The following GRK1 variants were observed in gnomAD, a reference collection of about 807,000 sequenced individuals.
GRK1 encodes the protein G protein-coupled receptor kinase 1, also known as rhodopsin kinase GRK1.
GRK1 carries 28 observed loss-of-function variants against 41.7 expected under a neutral mutation model. The observed-to-expected ratio is 0.67, with a 90% CI of 0.50 to 0.92. GRK1 has a LOEUF of 0.92. Among genes scored for constraint, GRK1 ranks in the 40% least tolerant of loss-of-function variants. The pLI, the probability that GRK1 is intolerant of heterozygous loss-of-function variation, is 0.00. For missense variants in GRK1, 703 were observed against 671.2 expected (o/e 1.05, Z -0.52); for synonymous variants, 327 against 286.7 (o/e 1.14, Z -1.42).
At chr13:113,670,973 G>C (rs1031201007) in intron 2 of GRK1, among the ~76,000 whole-genome samples, 2 of 152,016 alleles carry the variant, frequency 1.3e-5, no homozygotes, top group Non-Finnish European at 1.5e-5. Flanking sequence ...TTCCTGTGAC[G>C]ATACTCCTGG....
intron 4 of GRK1, among the ~76,000 whole-genome samples, chr13:113,729,152 T>TA: frequency 6.6e-6 from 1 of 151,904 alleles, no homozygotes; most frequent in Non-Finnish European, 1.5e-5. Flanking sequence ...AAACTAGACA[T>TA]ATGTGAGCCT....
Position 113,735,320 on chromosome 13 carries a change from G to C in GRK1, c.1649G>C (p.Gly550Ala), listed in dbSNP as rs1468113387. Residue 550 changes from glycine (G) to alanine (A), a missense_variant, in exon 7 of 7, where the codon GGC (glycine) becomes GCC (alanine). Coordinates refer to ENST00000335678, the MANE Select transcript of GRK1 (RefSeq NM_002929.3). Reference protein sequence around the residue: ...MPDDMKGISGGSSSSSKSGMC... With the variant: ...MPDDMKGISGASSSSSKSGMC... ...GACGACATGAAGGGCATCTCCGGGG[G>C]CTCCAGCTCCTCGTCCAAGTCAGGG... is the stretch of plus-strand genomic sequence containing the variant. 1 of 1,527,564 alleles carries C rather than the reference G, an allele frequency of 6.5e-7. No homozygotes were observed. The highest frequency in any genetic ancestry group is 8.8e-7 in the Non-Finnish European group (1 of 1,140,438). The allele number at this position is 1,527,564 out of a possible 1,614,324, so 94.6% of individuals were successfully genotyped here.
At chr13:113,656,518 T>C in the GRK1 span, among the ~76,000 whole-genome samples, 1 of 152,104 alleles carries the variant, frequency 6.6e-6, no homozygotes. Flanking sequence ...GGGCCCCCGC[T>C]TGCACCACGG....
the GRK1 span, chr13:113,653,445 A>G: frequency 6.2e-7 from 1 of 1,608,452 alleles, no homozygotes; most frequent in Non-Finnish European, 8.5e-7. Flanking sequence ...CTGGAGAGAG[A>G]GACCTTTGTG....
the GRK1 span, chr13:113,657,996 C>G: frequency 8.5e-6 from 13 of 1,531,554 alleles, no homozygotes; most frequent in Non-Finnish European, 8.8e-6. Flanking sequence ...AGAGCGGCCC[C>G]CTCCATGCAC....
At chr13:113,726,510 G>C (rs1003143715) in intron 4 of GRK1, 1 of 165,526 alleles carries the variant, frequency 6.0e-6, no homozygotes, top group Non-Finnish European at 1.3e-5. Context: ...TTTGAGTTCA[G>C]GGGCGGGAGA....
chr13:113,735,649 A>C lies in GRK1; in HGVS notation c.*286A>C. On this transcript the variant is annotated 3_prime_UTR_variant, in exon 7 of 7. Coordinates refer to ENST00000335678, the MANE Select transcript of GRK1 (RefSeq NM_002929.3). ...TGCTCTCCAGAGGGAGTAAGCCAAA[A>C]ATCTACAAACTCTTAGGGAGCCTCC... is the stretch of plus-strand genomic sequence containing the variant. The C allele has an allele frequency of 1.5e-5, 5 of 329,032 alleles. No individual in the cohort carries two copies. Among genetic ancestry groups the C allele is most frequent in the Non-Finnish European group, 2.2e-5 (4 of 181,006 alleles). 20.4% of individuals were successfully genotyped at this position (329,032 alleles called of 1,614,324 possible). A position where few individuals can be genotyped will look rare whatever the true frequency, so the allele number is the denominator to read the frequency against.
chr13:113,734,312 G>T lies in GRK1; in HGVS notation c.1397-756G>T, dbSNP rs573790965. ...AGCGAGGCAAGGATGGCTGTGGTCA[G>T]GGAACCCAAGGGGGCTCCAAGGGGT... On this transcript the variant is annotated intron_variant, in intron 6 of 6. Coordinates refer to ENST00000335678, the MANE Select transcript of GRK1 (RefSeq NM_002929.3). 5.1e-4 allele frequency among the ~76,000 whole-genome samples: 77 copies of T among 152,320 alleles called. 1 individual carries two copies. The South Asian group carries it at 9.3e-3, about 18-fold the overall frequency.
intron 6 of GRK1, among the ~76,000 whole-genome samples, chr13:113,733,778 C>CGTATGTGCAT (rs1350612484): frequency 1.1e-5 from 1 of 89,450 alleles, no homozygotes; most frequent in African/African-American, 4.6e-5. Context: ...TGTGTGCATA[C>CGTATGTGCAT]GTGTGTGCAT....
At chr13:113,729,180 C>T (rs917657927) in intron 4 of GRK1, among the ~76,000 whole-genome samples, 9 of 152,144 alleles carry the variant, frequency 5.9e-5, no homozygotes, top group South Asian at 2.1e-4. Context: ...CTTCCAGGCA[C>T]GAACCTAGAG....
chr13:113,655,133 G>A, the GRK1 span, among the ~76,000 whole-genome samples: 3 of 151,964 alleles, frequency 2.0e-5, no homozygotes, highest in Admixed American at 6.6e-5. Context: ...CCGCACCACC[G>A]GCCACGTTCT....
At chr13:113,733,968 G>GTGTGCATA (rs879935844) in intron 6 of GRK1, among the ~76,000 whole-genome samples, 81 of 125,050 alleles carry the variant, frequency 6.5e-4, no homozygotes, top group African/African-American at 1.5e-3. Context: ...ACGTGTGTGT[G>GTGTGCATA]CGTGTGTGCG....
chr13:113,657,904 C>T, the GRK1 span: 3 of 766,228 alleles, frequency 3.9e-6, no homozygotes, highest in Admixed American at 2.8e-5. Flanking sequence ...AGCCCGTCCA[C>T]GCCATCCAGG....
chr13:113,730,712 C>T (rs1477096669), intron 4 of GRK1, among the ~76,000 whole-genome samples: 4 of 152,230 alleles, frequency 2.6e-5, no homozygotes, highest in African/African-American at 7.2e-5. Context: ...CCTGGGTCAC[C>T]GGACAACTGG....
chr13:113,733,530 C>CGT (rs1454177325), intron 6 of GRK1, among the ~76,000 whole-genome samples: 6 of 113,088 alleles, frequency 5.3e-5, no homozygotes, highest in Non-Finnish European at 1.1e-4. Flanking sequence ...CATGTGTGCG[C>CGT]GTGTGTGCAT....
At chr13:113,658,343 G>A in the GRK1 span, among the ~76,000 whole-genome samples, 37 of 152,368 alleles carry the variant, frequency 2.4e-4, no homozygotes, top group South Asian at 2.9e-3. Flanking sequence ...GGTGCAGCCC[G>A]GCTGTTGCCC....
rs1594578973 is a variant in GRK1, at chr13:113,731,073, C to T, written c.1070-146C>T. The T allele has an allele frequency of 1.3e-5, 16 of 1,221,376 alleles. No individual in the cohort carries two copies. The East Asian group carries it at 3.9e-4, about 30-fold the overall frequency. The allele number at this position is 1,221,376 out of a possible 1,614,324, so 75.7% of individuals were successfully genotyped here. A position where few individuals can be genotyped will look rare whatever the true frequency, so the allele number is the denominator to read the frequency against. ...CCCAGTAACACACAGGGCAGCCCCT[C>T]CACAAAGGATTTTCTGGCCCCAAAT... On this transcript the variant is annotated intron_variant, in intron 4 of 6. Coordinates refer to ENST00000335678, the MANE Select transcript of GRK1 (RefSeq NM_002929.3). This position sits in a 1 kb window ranked among gnomAD's most constrained non-coding sequence, Gnocchi z 5.6.
chr13:113,651,727 T>C, the GRK1 span: 1 of 1,613,688 alleles, frequency 6.2e-7, no homozygotes, highest in African/African-American at 1.3e-5. Context: ...AACTTGACGA[T>C]CTAGAAGGGA....
In GRK1 at chr13:113,736,371, A is replaced by C. The variant is rs1403783324; in HGVS notation, c.*1008A>C. ...GTGTTCCCAGTAGCAGCAGCACTGG[A>C]GTCCTAAAGCCATAGCCCGGGAAGA... On this transcript the variant is annotated 3_prime_UTR_variant, in exon 7 of 7. Coordinates refer to ENST00000335678, the MANE Select transcript of GRK1 (RefSeq NM_002929.3). The C allele has an allele frequency of 6.6e-6, 1 of 152,254 alleles. No homozygotes were observed. Among genetic ancestry groups the C allele is most frequent in the Non-Finnish European group, 1.5e-5 (1 of 68,078 alleles). The allele number at this position is 152,254 out of a possible 1,614,324, so 9.4% of individuals were successfully genotyped here.
Sources: gnomAD v4.1 joint callset for allele counts (sites outside exome capture counted in the v4.1 genomes callset) on GRCh38, gnomAD v4.1.1 for gene constraint, Gnocchi (gnomAD v3.1) non-coding constraint, MANE v1.5 for transcripts, NCBI Gene and HGNC (gene_info 2026-07-23, HGNC 2026-07-21) for gene names.